DSN1: variants seen among roughly 807,000 people sequenced by gnomAD.
DSN1 encodes DSN1 component of MIS12 kinetochore complex.
A neutral mutation model predicts 45.7 loss-of-function variants in DSN1; 31 were observed. That is an observed-to-expected ratio of 0.68 (90% confidence interval 0.51 to 0.92). DSN1 has a LOEUF of 0.92. DSN1 is among the 40% of genes least tolerant of loss of function. DSN1 has a pLI of 0.00. For synonymous variants in DSN1, 134 were observed against 142.3 expected (o/e 0.94, Z 0.41); for missense variants, 394 against 414.2 (o/e 0.95, Z 0.42).
chr20:36,773,346 T>TG, intron 1 of DSN1: 1 of 982,860 alleles, frequency 1.0e-6, no homozygotes, highest in Non-Finnish European at 1.2e-6. Context: ...ACAGCCAGCC[T>TG]GGGGGCACAG....
In DSN1 at chr20:36,770,910, C is replaced by A; in HGVS notation, c.318G>T (p.Arg106=). Residue 106 remains arginine (R), a synonymous_variant, in exon 3 of 11, where the codon CGG becomes CGT. Transcript: ENST00000373750. ...GGTGAATGGGATGCAGCGACTTCCG[C>A]CGGTTCGTTTCTTTCATACTTGCTC... ...WRRASMKETN[R]RKSLHPIHQG... 6.2e-7 allele frequency: 1 copy of A among 1,613,618 alleles called. No homozygotes were observed. Among genetic ancestry groups the A allele is most frequent in the Non-Finnish European group, 8.5e-7 (1 of 1,179,986 alleles).
chr20:36,773,750 G>A lies in DSN1; in HGVS notation c.-104C>T. On this transcript the variant is annotated 5_prime_UTR_variant, in exon 1 of 11. Transcript: ENST00000373750. ...CCGCAGCCGATACTCCCTGATCAGG[G>A]TGAAGCGGTCTCCACCTTCTACGTC... is the stretch of plus-strand genomic sequence containing the variant. 1.0e-6 allele frequency: 1 copy of A among 985,540 alleles called. No individual in the cohort carries two copies. The highest frequency in any genetic ancestry group is 1.2e-6 in the Non-Finnish European group (1 of 829,994). The allele number at this position is 985,540 out of a possible 1,614,324, so 61.0% of individuals were successfully genotyped here. A position where few individuals can be genotyped will look rare whatever the true frequency, so the allele number is the denominator to read the frequency against.
At chr20:36,772,961 C>T (rs1017703863) in intron 1 of DSN1, among the ~76,000 whole-genome samples, 3 of 152,204 alleles carry the variant, frequency 2.0e-5, no homozygotes, top group Non-Finnish European at 2.9e-5. Flanking sequence ...CTTCATCGTC[C>T]CCTCCCTCCC....
At chr20:36,768,863 T>A (rs1482037082) in intron 3 of DSN1, among the ~76,000 whole-genome samples, 1 of 152,210 alleles carries the variant, frequency 6.6e-6, no homozygotes, top group Non-Finnish European at 1.5e-5. Context: ...CCCAAGTCTC[T>A]CACCGATATC....
At chr20:36,759,014 G>A (rs527944631) in intron 6 of DSN1, among the ~76,000 whole-genome samples, 3 of 147,720 alleles carry the variant, frequency 2.0e-5, no homozygotes, top group African/African-American at 7.5e-5. Context: ...ACGGAGTCTC[G>A]CTTTGTCACC....
chr20:36,761,262 C>T (rs917370907), intron 6 of DSN1, among the ~76,000 whole-genome samples: 5 of 152,152 alleles, frequency 3.3e-5, no homozygotes, highest in African/African-American at 1.2e-4. Context: ...GGTCTCTGAA[C>T]ACTCCAGCTA....
intron 8 of DSN1, among the ~76,000 whole-genome samples, chr20:36,757,351 AAACAAAAAAAC>A (rs1455612960): frequency 6.6e-6 from 1 of 151,802 alleles, no homozygotes; most frequent in Non-Finnish European, 1.5e-5. Flanking sequence ...GCAAAAAAAC[AAACAAAAAAAC>A]AACAAAAAAA....
intron 6 of DSN1, among the ~76,000 whole-genome samples, chr20:36,760,204 A>G (rs2148266235): frequency 6.6e-6 from 1 of 152,080 alleles, no homozygotes; most frequent in African/African-American, 2.4e-5. Flanking sequence ...AGATCGTGCC[A>G]CTGCACTCCA....
intron 10 of DSN1, among the ~76,000 whole-genome samples, chr20:36,753,862 C>T (rs76521831): frequency 0.037 from 5,651 of 151,258 alleles, 199 homozygotes; most frequent in East Asian, 0.13. Context: ...TAAAATTAGC[C>T]GGGCATGGTG....
chr20:36,760,395 G>A (rs1986912948), intron 6 of DSN1, among the ~76,000 whole-genome samples: 2 of 152,170 alleles, frequency 1.3e-5, no homozygotes, highest in African/African-American at 4.8e-5. Flanking sequence ...TTACCCAATG[G>A]CTTAAATGAG....
Position 36,754,751 on chromosome 20 carries a change from A to G in DSN1, c.961+12T>C. ...CAGCCTGAACTCTGGTCCCCTCAAGAGACAAGCTTACCGAGCTGTACTGAC... is the reference window on the plus strand; with the variant it reads ...CAGCCTGAACTCTGGTCCCCTCAAGGGACAAGCTTACCGAGCTGTACTGAC... On this transcript the variant is annotated intron_variant, in intron 10 of 10. Transcript: ENST00000373750. 6.2e-7 allele frequency: 1 copy of G among 1,612,674 alleles called. No individual in the cohort carries two copies. Among genetic ancestry groups the G allele is most frequent in the Non-Finnish European group, 8.5e-7 (1 of 1,178,872 alleles).
At chr20:36,772,420 C>G (rs1326060545) in intron 1 of DSN1, among the ~76,000 whole-genome samples, 1 of 151,972 alleles carries the variant, frequency 6.6e-6, no homozygotes, top group Non-Finnish European at 1.5e-5. Context: ...TCCTGAGTAG[C>G]TGGGATTACA....
At chr20:36,766,194 C>CAAAAAAAAAAA (rs368772931) in intron 5 of DSN1, among the ~76,000 whole-genome samples, 9 of 47,938 alleles carry the variant, frequency 1.9e-4, no homozygotes, top group Admixed American at 2.4e-4. Context: ...GACTCCATCT[C>CAAAAAAAAAAA]AAAAAAAAAA....
Position 36,755,849 on chromosome 20 carries a change from G to C in DSN1, c.726-20C>G, listed in dbSNP as rs758650741. The C allele has an allele frequency of 1.2e-5, 19 of 1,595,544 alleles. No individual in the cohort carries two copies. Among genetic ancestry groups the C allele is most frequent in the Middle Eastern group, 1.8e-4 (1 of 5,642 alleles). On this transcript the variant is annotated intron_variant, in intron 8 of 10. Coordinates refer to ENST00000373750, the MANE Select transcript of DSN1 (RefSeq NM_001145315.2). ...GATCCTCTAAAAACAAAACACAAGAGCTTTTGAGAGATTCTGTAATTATTT... is the reference window on the plus strand; with the variant it reads ...GATCCTCTAAAAACAAAACACAAGACCTTTTGAGAGATTCTGTAATTATTT...
rs1987643804 is a variant in DSN1 at position 36,771,418 on chromosome 20, T to C, written c.34+7A>G. On this transcript the variant is annotated splice_region_variant and intron_variant, in intron 2 of 10. Coordinates refer to ENST00000373750, the MANE Select transcript of DSN1 (RefSeq NM_001145315.2). ...TAAGAGGTACTGAATTTCACTACAA[T>C]ACTTACCATCTATGATCTCTGATCT... 1.2e-6 allele frequency: 2 copies of C among 1,613,362 alleles called. No individual in the cohort carries two copies. The highest frequency in any genetic ancestry group is 1.7e-6 in the Non-Finnish European group (2 of 1,179,382).
In DSN1 at chr20:36,772,861, C is replaced by T. The variant is rs1259236363; in HGVS notation, c.-16+801G>A. 6.0e-3 allele frequency among the ~76,000 whole-genome samples: 913 copies of T among 152,344 alleles called. 6 individuals are homozygous for T. The highest frequency in any genetic ancestry group is 0.02 in the African/African-American group (825 of 41,574). On this transcript the variant is annotated intron_variant, in intron 1 of 10. Transcript: ENST00000373750. Reference sequence around the variant, plus strand: ...TAGCATTGGCTATAAAATCTGTTTACATGTCTGTCTCCCCAGCCAGGCTGT... The same window carrying T: ...TAGCATTGGCTATAAAATCTGTTTATATGTCTGTCTCCCCAGCCAGGCTGT...
At position 36,771,316 on chromosome 20, in the gene DSN1, AAAT is replaced by A. The variant is rs2148287078; in HGVS notation, c.34+106_34+108del. 1.3e-5 allele frequency: 19 copies of A among 1,485,490 alleles called. No homozygotes were observed. In the South Asian group the frequency reaches 2.3e-4, roughly 18 times the overall value. The allele number at this position is 1,485,490 out of a possible 1,614,324, so 92.0% of individuals were successfully genotyped here. A position where few individuals can be genotyped will look rare whatever the true frequency, so the allele number is the denominator to read the frequency against. On this transcript the variant is annotated intron_variant, in intron 2 of 10. Transcript: ENST00000373750. The stretch of plus-strand genomic sequence containing the variant: ...GGAAACATAAAGAAAGCATCTCTGC[AAAT>A]AATGAGTATGTGATTCCAAATCTAC...
chr20:36,762,642 T>C (rs1987063773), intron 5 of DSN1, 94 bp from the exon 6 acceptor site: 3 of 1,099,840 alleles, frequency 2.7e-6, no homozygotes, highest in East Asian at 5.5e-5. Flanking sequence ...GTCTCAGCTC[T>C]AGGTACTGTT....
chr20:36,757,955 A>G (rs1986765622), intron 8 of DSN1, 132 bp downstream of exon 8: 1 of 816,848 alleles, frequency 1.2e-6, no homozygotes, highest in Non-Finnish European at 2.0e-6. Flanking sequence ...GCTAATACAC[A>G]CTACAGAATT....
Sources: gnomAD v4.1 joint callset for allele counts (sites outside exome capture counted in the v4.1 genomes callset) on GRCh38, gnomAD v4.1.1 for gene constraint, MANE v1.5 for transcripts, NCBI Gene and HGNC (gene_info 2026-07-23, HGNC 2026-07-21) for gene names.